CNTNAP2: variants seen among roughly 807,000 people sequenced by gnomAD.
CNTNAP2 encodes contactin associated protein 2.
In CNTNAP2, 98 loss-of-function variants were observed where a neutral mutation model predicts 155.2. The ratio of observed to expected loss-of-function variants is 0.63; its 90% CI spans 0.54 to 0.75. CNTNAP2 has a LOEUF of 0.75. Among genes scored for constraint, CNTNAP2 ranks in the 30% least tolerant of loss-of-function variants. The pLI, the probability that CNTNAP2 is intolerant of heterozygous loss-of-function variation, is 0.00. For synonymous variants in CNTNAP2, 651 were observed against 631.2 expected, an observed-to-expected ratio of 1.03 and a Z score of -0.47; for missense variants, 1,727 against 1,688.1, an observed-to-expected ratio of 1.02 and a Z score of -0.40.
chr7:147,087,017 G>A (rs763728696), intron 4 of CNTNAP2, among the ~76,000 whole-genome samples: 76 of 152,136 alleles, frequency 5.0e-4, no homozygotes, highest in Non-Finnish European at 8.4e-4. Context: ...ATAGACACTG[G>A]TAAGTGTAAC....
intron 1 of CNTNAP2, among the ~76,000 whole-genome samples, chr7:146,675,141 C>T (rs1439488633): frequency 2.6e-5 from 4 of 151,448 alleles, no homozygotes; most frequent in Non-Finnish European, 4.4e-5. Context: ...CAGTGCATAG[C>T]ACAGAGTAGG....
chr7:147,127,424 C>T (rs1212350958), intron 6 of CNTNAP2, among the ~76,000 whole-genome samples: 1 of 151,324 alleles, frequency 6.6e-6, no homozygotes, highest in Non-Finnish European at 1.5e-5. Context: ...TTTGTGTTTC[C>T]CCCCCTAAAA....
intron 13 of CNTNAP2, among the ~76,000 whole-genome samples, chr7:147,810,898 C>T (rs1187805861): frequency 6.6e-6 from 1 of 152,178 alleles, no homozygotes; most frequent in Non-Finnish European, 1.5e-5. Context: ...CCTCCTTTCT[C>T]TTTCTGTGGT....
chr7:146,664,528 A>G (rs1301609200), intron 1 of CNTNAP2, among the ~76,000 whole-genome samples: 1 of 152,108 alleles, frequency 6.6e-6, no homozygotes, highest in Admixed American at 6.5e-5. Context: ...GGTATGATAC[A>G]CTAAATGTTT....
chr7:146,817,985 T>C (rs748592770), intron 2 of CNTNAP2, among the ~76,000 whole-genome samples: 4 of 152,228 alleles, frequency 2.6e-5, no homozygotes, highest in Non-Finnish European at 5.9e-5. Flanking sequence ...TATTATTCTG[T>C]GTCACTTCCA....
chr7:147,235,028 G>T (rs916884431), intron 8 of CNTNAP2, among the ~76,000 whole-genome samples: 7 of 152,188 alleles, frequency 4.6e-5, no homozygotes, highest in East Asian at 3.9e-4. Flanking sequence ...CTTTTGTGAG[G>T]GTGTTTCCTG....
chr7:146,895,341 CTCTCTCTT>C (rs1243837018), intron 3 of CNTNAP2, among the ~76,000 whole-genome samples: 2 of 148,940 alleles, frequency 1.3e-5, no homozygotes, highest in Non-Finnish European at 3.0e-5. Flanking sequence ...CCCTTCCTTT[CTCTCTCTT>C]TCTCTCTTTC....
At chr7:148,005,274 A>C (rs1244189807) in intron 15 of CNTNAP2, among the ~76,000 whole-genome samples, 2 of 152,110 alleles carry the variant, frequency 1.3e-5, no homozygotes, top group Non-Finnish European at 2.9e-5. Flanking sequence ...CCTTTTTATA[A>C]GGGCATTAAT....
chr7:146,310,459 T>C (rs1384018278), intron 1 of CNTNAP2, among the ~76,000 whole-genome samples: 1 of 152,128 alleles, frequency 6.6e-6, no homozygotes, highest in African/African-American at 2.4e-5. Context: ...CATATTTTCC[T>C]CTTATTTGAA....
intron 8 of CNTNAP2, among the ~76,000 whole-genome samples, chr7:147,154,944 G>A (rs1801894225): frequency 6.6e-6 from 1 of 152,080 alleles, no homozygotes; most frequent in Non-Finnish European, 1.5e-5. Flanking sequence ...AAATCACCCA[G>A]TTATTTCAAC....
intron 21 of CNTNAP2, among the ~76,000 whole-genome samples, chr7:148,283,318 A>G (rs1475465780): frequency 9.7e-5 from 12 of 123,680 alleles, no homozygotes; most frequent in African/African-American, 4.4e-4. Context: ...GAAGGAAGGA[A>G]GGAAAGAAAG....
intron 6 of CNTNAP2, among the ~76,000 whole-genome samples, chr7:147,123,410 A>G (rs1173712703): frequency 6.6e-6 from 1 of 152,244 alleles, no homozygotes; most frequent in Non-Finnish European, 1.5e-5. Flanking sequence ...GACGAAGTCT[A>G]TGACTATTCA....
chr7:146,479,401 T>C (rs1563099940), intron 1 of CNTNAP2, among the ~76,000 whole-genome samples: 1 of 152,226 alleles, frequency 6.6e-6, no homozygotes, highest in Non-Finnish European at 1.5e-5. Flanking sequence ...TGATAATAAA[T>C]ATTCATTTCA....
At chr7:146,928,100 G>C (rs1408415167) in intron 3 of CNTNAP2, among the ~76,000 whole-genome samples, 1 of 151,576 alleles carries the variant, frequency 6.6e-6, no homozygotes, top group Non-Finnish European at 1.5e-5. Flanking sequence ...ATTTCTCTTT[G>C]TCATTGCCCT....
At chr7:146,909,042 A>T (rs1398756226) in intron 3 of CNTNAP2, among the ~76,000 whole-genome samples, 1 of 151,898 alleles carries the variant, frequency 6.6e-6, no homozygotes, top group African/African-American at 2.4e-5. Flanking sequence ...CAAATAAACT[A>T]GAAAATCTAG....
intron 1 of CNTNAP2, among the ~76,000 whole-genome samples, chr7:146,752,386 GC>G (rs1243252855): frequency 6.6e-6 from 1 of 152,172 alleles, no homozygotes; most frequent in Admixed American, 6.5e-5. Context: ...GTGATGATAA[GC>G]TTTTTTTCCT....
At chr7:147,113,667 G>A (rs1396583504) in intron 5 of CNTNAP2, among the ~76,000 whole-genome samples, 2 of 152,080 alleles carry the variant, frequency 1.3e-5, no homozygotes, top group African/African-American at 2.4e-5. Context: ...CCCCCATGAC[G>A]TCCCTCCCCC....
At chr7:146,824,324 C>T (rs1254124602) in intron 2 of CNTNAP2, among the ~76,000 whole-genome samples, 1 of 151,988 alleles carries the variant, frequency 6.6e-6, no homozygotes, top group African/African-American at 2.4e-5. Flanking sequence ...TCTTTGCTAT[C>T]ATAAATAGTG....
At chr7:146,357,241 A>C (rs1251737412) in intron 1 of CNTNAP2, among the ~76,000 whole-genome samples, 1 of 151,730 alleles carries the variant, frequency 6.6e-6, no homozygotes, top group Non-Finnish European at 1.5e-5. Context: ...CCAAAAAAAA[A>C]AAAAAAAAAA....
Sources: gnomAD v4.1 joint callset for allele counts (sites outside exome capture counted in the v4.1 genomes callset) on GRCh38, gnomAD v4.1.1 for gene constraint, MANE v1.5 for transcripts, NCBI Gene and HGNC (gene_info 2026-07-23, HGNC 2026-07-21) for gene names.